The following OPRM1 variants were observed in gnomAD, a reference collection of about 807,000 sequenced individuals.
The protein encoded by OPRM1 is mu-type opioid receptor.
A neutral mutation model predicts 31.8 loss-of-function variants in OPRM1; 27 were observed. The observed-to-expected ratio is 0.85, with a 90% CI of 0.63 to 1.17. OPRM1 has a LOEUF of 1.17. OPRM1 is among the 50% of genes most tolerant of loss of function. The pLI is 0.00. For missense variants in OPRM1, 536 were observed against 511.1 expected (o/e 1.05, Z -0.47); for synonymous variants, 196 against 189.9 (o/e 1.03, Z -0.26).
At chr6:154,178,689 C>A (rs983123612) in intron 3 of OPRM1, among the ~76,000 whole-genome samples, 6 of 152,114 alleles carry the variant, frequency 3.9e-5, no homozygotes, top group African/African-American at 1.4e-4. Context: ...CTCAAAAAAA[C>A]CAATATCTTC....
At chr6:154,099,466 AAG>A (rs1794092587) in intron 3 of OPRM1, among the ~76,000 whole-genome samples, 1 of 150,556 alleles carries the variant, frequency 6.6e-6, no homozygotes, top group Admixed American at 6.6e-5. Flanking sequence ...GAAAGAAAGA[AAG>A]AAAAAGAAAG....
intron 3 of OPRM1, among the ~76,000 whole-genome samples, chr6:154,220,761 A>C (rs1778801194): frequency 6.6e-6 from 1 of 152,232 alleles, no homozygotes; most frequent in South Asian, 2.1e-4. Context: ...ACCACCCTGG[A>C]AATGGAGCTA....
chr6:154,024,560 A>G (rs1778574843), intron 1 of OPRM1, among the ~76,000 whole-genome samples: 1 of 146,152 alleles, frequency 6.8e-6, no homozygotes, highest in Non-Finnish European at 1.5e-5. Context: ...CCTGATTTTT[A>G]TTATTTCTTT....
upstream of OPRM1, among the ~76,000 whole-genome samples, chr6:154,035,067 A>G (rs1176952248): frequency 6.6e-6 from 1 of 152,210 alleles, no homozygotes; most frequent in Non-Finnish European, 1.5e-5. Context: ...ATTCTTTCAT[A>G]TGTGTGTAAT....
intron 3 of OPRM1, among the ~76,000 whole-genome samples, chr6:154,106,763 A>G (rs664247): frequency 0.92 from 139,451 of 152,216 alleles, 63,923 homozygotes; most frequent in East Asian, 0.98. Context: ...AATTCCACAT[A>G]TCCCCAGGCC....
Position 154,096,738 on chromosome 6 carries a change from C to T in OPRM1, c.1164+5266C>T, listed in dbSNP as rs572526591. Among the ~76,000 whole-genome samples, 3 of 152,246 alleles carry T rather than the reference C, an allele frequency of 2.0e-5. No individual in the cohort carries two copies. The East Asian group carries it at 5.8e-4, about 29-fold the overall frequency. On this transcript the variant is annotated intron_variant, in intron 3 of 3. Coordinates refer to ENST00000330432, the MANE Select transcript of OPRM1 (RefSeq NM_000914.5). ...CAGGAAGAGGTAGAATCCAGACAAG[C>T]ACCCAGGGCTTCGAATATTACTCCA...
At chr6:154,142,058 A>G (rs1798228034) in intron 3 of OPRM1, among the ~76,000 whole-genome samples, 1 of 152,116 alleles carries the variant, frequency 6.6e-6, no homozygotes, top group Non-Finnish European at 1.5e-5. Context: ...TGAAAGTTGG[A>G]AAAGATGCAA....
chr6:154,010,828 G>C, exon 1 of OPRM1: 1 of 1,375,634 alleles, frequency 7.3e-7, no homozygotes, highest in Non-Finnish European at 9.4e-7. Context: ...AAGGGCTCCT[G>C]CTTTTCCTGT....
chr6:154,047,071 C>A (rs186481756), intron 1 of OPRM1, among the ~76,000 whole-genome samples: 1 of 152,162 alleles, frequency 6.6e-6, no homozygotes, highest in African/African-American at 2.4e-5. Context: ...ATGATTAGGA[C>A]AATAAGGGAA....
chr6:154,229,175 A>G (rs540495524), intron 3 of OPRM1, among the ~76,000 whole-genome samples: 92 of 152,312 alleles, frequency 6.0e-4, no homozygotes, highest in Admixed American at 9.8e-4. Context: ...GATTGTGAGT[A>G]CCTTGAAGGA....
chr6:154,013,157 C>T (rs1465631350), intron 1 of OPRM1, among the ~76,000 whole-genome samples: 1 of 152,104 alleles, frequency 6.6e-6, no homozygotes, highest in African/African-American at 2.4e-5. Context: ...AGCCTTGAGC[C>T]TCAAACATTT....
intron 1 of OPRM1, among the ~76,000 whole-genome samples, chr6:154,051,624 T>G (rs1344661236): frequency 6.6e-6 from 1 of 152,104 alleles, no homozygotes; most frequent in African/African-American, 2.4e-5. Flanking sequence ...AAAACTACAA[T>G]GAGAACCATC....
chr6:154,178,221 T>C (rs968830106), intron 3 of OPRM1, among the ~76,000 whole-genome samples: 1 of 152,130 alleles, frequency 6.6e-6, no homozygotes, highest in Non-Finnish European at 1.5e-5. Flanking sequence ...CAAACCACCA[T>C]GGCACATGTA....
At chr6:154,083,026 C>T (rs1386123920) in intron 1 of OPRM1, among the ~76,000 whole-genome samples, 2 of 152,080 alleles carry the variant, frequency 1.3e-5, no homozygotes, top group East Asian at 1.9e-4. Flanking sequence ...ACTTCTGATA[C>T]GTGCTATCCA....
chr6:154,207,177 G>C (rs949251842), intron 3 of OPRM1, among the ~76,000 whole-genome samples: 1 of 152,214 alleles, frequency 6.6e-6, no homozygotes, highest in Non-Finnish European at 1.5e-5. Context: ...AGAGAGGCTG[G>C]GGGAGAGCCA....
intron 3 of OPRM1, among the ~76,000 whole-genome samples, chr6:154,192,798 G>A (rs192098870): frequency 6.6e-6 from 1 of 152,254 alleles, no homozygotes; most frequent in African/African-American, 2.4e-5. Flanking sequence ...AATTGCCAGG[G>A]AAATGCAAAT....
rs908990363 is a variant in OPRM1, at chr6:154,116,410, C to G, written c.1165-2273C>G. The stretch of plus-strand genomic sequence containing the variant: ...AGACCAGCCTGGCCAACATGGGAAA[C>G]CCCATCTCTACTAAAAGTACAAAAA... On this transcript the variant is annotated intron_variant, in intron 3 of 3. Transcript: ENST00000330432. 6.6e-5 allele frequency among the ~76,000 whole-genome samples: 10 copies of G among 151,988 alleles called. No individual in the cohort carries two copies. The East Asian group carries it at 1.7e-3, about 27-fold the overall frequency.
intron 3 of OPRM1, among the ~76,000 whole-genome samples, chr6:154,182,540 T>C (rs1399036937): frequency 6.6e-6 from 1 of 152,248 alleles, no homozygotes; most frequent in African/African-American, 2.4e-5. Flanking sequence ...TTAGGCAAGA[T>C]ATTTAAAGTA....
upstream of OPRM1, among the ~76,000 whole-genome samples, chr6:154,034,360 C>G (rs189409752): frequency 6.6e-6 from 1 of 152,078 alleles, no homozygotes; most frequent in Non-Finnish European, 1.5e-5. Context: ...CTGGCTAACA[C>G]GGTGAAACCG....
Sources: allele counts gnomAD v4.1 joint callset (sites outside exome capture counted in the v4.1 genomes callset), GRCh38; gene constraint gnomAD v4.1.1; transcripts MANE v1.5; gene names NCBI Gene and HGNC (gene_info 2026-07-23, HGNC 2026-07-21).